Variants in GRID2 observed in about 807,000 individuals in gnomAD.
The protein encoded by GRID2 is glutamate receptor ionotropic, delta-2.
In GRID2, 33 loss-of-function variants were observed where a neutral mutation model predicts 114.8. That is an observed-to-expected ratio of 0.29 (90% CI 0.22 to 0.38). The LOEUF (loss-of-function observed/expected upper bound fraction) is 0.38. GRID2 is among the 10% of genes least tolerant of loss of function. The pLI, the probability that GRID2 is intolerant of heterozygous loss-of-function variation, is 1.00. For missense variants in GRID2, 1,184 were observed against 1,257.7 expected (o/e 0.94, Z 0.89); for synonymous variants, 505 against 449.9 (o/e 1.12, Z -1.55).
At chr4:93,782,560 A>C (rs1734501229) in intron 1 of GRID2, among the ~76,000 whole-genome samples, 1 of 152,054 alleles carries the variant, frequency 6.6e-6, no homozygotes, top group African/African-American at 2.4e-5. Context: ...CTGTGACACC[A>C]ATTCCACTAA....
intron 8 of GRID2, among the ~76,000 whole-genome samples, chr4:93,242,224 G>A (rs1747609106): frequency 6.6e-6 from 1 of 151,934 alleles, no homozygotes; most frequent in African/African-American, 2.4e-5. Flanking sequence ...TGGCAATAAT[G>A]AGACTGGAGG....
intron 2 of GRID2, among the ~76,000 whole-genome samples, chr4:93,046,214 C>T (rs564876730): frequency 6.6e-6 from 1 of 152,148 alleles, no homozygotes; most frequent in South Asian, 2.1e-4. Flanking sequence ...CTCACCTGCT[C>T]CTCTTTCCCT....
At chr4:92,400,281 C>T (rs1036942976) in intron 1 of GRID2, among the ~76,000 whole-genome samples, 1 of 152,108 alleles carries the variant, frequency 6.6e-6, no homozygotes, top group African/African-American at 2.4e-5. Context: ...CCTCCAGTTC[C>T]CAGAAACCAC....
At chr4:93,579,925 T>G (rs1184033226) in intron 13 of GRID2, among the ~76,000 whole-genome samples, 1 of 152,232 alleles carries the variant, frequency 6.6e-6, no homozygotes, top group Non-Finnish European at 1.5e-5. Context: ...AGAGAAGATG[T>G]GCATGCATCT....
At chr4:93,130,062 G>C (rs556435572) in intron 4 of GRID2, among the ~76,000 whole-genome samples, 3 of 152,280 alleles carry the variant, frequency 2.0e-5, no homozygotes, top group Admixed American at 2.0e-4. Flanking sequence ...GAAAACATGA[G>C]CATATGTATT....
At chr4:92,506,781 G>C (rs995686039) in intron 1 of GRID2, among the ~76,000 whole-genome samples, 1 of 151,866 alleles carries the variant, frequency 6.6e-6, no homozygotes, top group Admixed American at 6.6e-5. Context: ...CACCTCCTTT[G>C]AGACAATAGG....
At chr4:93,414,129 C>T (rs1580001960) in intron 9 of GRID2, among the ~76,000 whole-genome samples, 1 of 152,156 alleles carries the variant, frequency 6.6e-6, no homozygotes, top group Non-Finnish European at 1.5e-5. Context: ...AATATATCAA[C>T]AAATTTCATC....
At chr4:93,040,833 AT>A (rs1725443581) in intron 2 of GRID2, among the ~76,000 whole-genome samples, 1 of 151,758 alleles carries the variant, frequency 6.6e-6, no homozygotes, top group Admixed American at 6.6e-5. Flanking sequence ...ATTTTAAGAA[AT>A]TTTCGAGGTC....
intron 2 of GRID2, among the ~76,000 whole-genome samples, chr4:93,082,978 T>C (rs2149319620): frequency 1.3e-5 from 2 of 152,288 alleles, no homozygotes; most frequent in East Asian, 3.9e-4. Flanking sequence ...TCCTGTCATG[T>C]TACATGTGAC....
At chr4:92,787,857 C>T (rs575994181) in intron 2 of GRID2, among the ~76,000 whole-genome samples, 11 of 151,898 alleles carry the variant, frequency 7.2e-5, no homozygotes, top group African/African-American at 2.7e-4. Flanking sequence ...TGGATTCTGA[C>T]TATCTTTTGA....
intron 8 of GRID2, among the ~76,000 whole-genome samples, chr4:93,381,134 A>G (rs1763814915): frequency 6.6e-6 from 1 of 152,140 alleles, no homozygotes; most frequent in Admixed American, 6.6e-5. Flanking sequence ...TAATAAGTAC[A>G]TTTATATTCC....
chr4:92,529,783 G>T (rs1447732450), intron 1 of GRID2, among the ~76,000 whole-genome samples: 4 of 152,154 alleles, frequency 2.6e-5, no homozygotes, highest in Non-Finnish European at 5.9e-5. Context: ...TGTCAGGGAT[G>T]AATTGCAAGT....
chr4:92,342,023 T>G (rs975241672), intron 1 of GRID2, among the ~76,000 whole-genome samples: 1 of 152,158 alleles, frequency 6.6e-6, no homozygotes, highest in Non-Finnish European at 1.5e-5. Context: ...TATTTAACAT[T>G]TTATTCATTA....
chr4:92,545,161 G>T (rs1288855626), intron 1 of GRID2, among the ~76,000 whole-genome samples: 1 of 151,274 alleles, frequency 6.6e-6, no homozygotes, highest in Non-Finnish European at 1.5e-5. Flanking sequence ...CACTGAAAAA[G>T]AATGAAATGA....
chr4:92,923,039 C>T (rs1484140865), intron 2 of GRID2, among the ~76,000 whole-genome samples: 13 of 152,132 alleles, frequency 8.5e-5, no homozygotes, highest in African/African-American at 4.8e-5. Flanking sequence ...TTTGCATGTG[C>T]ATTATACCTC....
In GRID2 at chr4:93,579,274, G is replaced by C. The variant is rs573028873; in HGVS notation, c.2194-46995G>C. ...CTCCTCCACTACCCACACAGTTCCA[G>C]TGTCAAGCACCAGAGGACACGTTCA... is the stretch of plus-strand genomic sequence containing the variant. On this transcript the variant is annotated intron_variant, in intron 13 of 15. Coordinates refer to ENST00000282020, the MANE Select transcript of GRID2 (RefSeq NM_001510.4). Among the ~76,000 whole-genome samples the C allele has an allele frequency of 5.3e-5, 8 of 152,220 alleles. No homozygotes were observed. In the South Asian group the frequency reaches 1.2e-3, roughly 24 times the overall value.
At chr4:93,229,301 G>A (rs1745849423) in intron 7 of GRID2, among the ~76,000 whole-genome samples, 1 of 152,168 alleles carries the variant, frequency 6.6e-6, no homozygotes, top group South Asian at 2.1e-4. Flanking sequence ...GAGCAGAATG[G>A]CCCCAGACAG....
chr4:92,329,335 A>G (rs1726759229), intron 1 of GRID2, among the ~76,000 whole-genome samples: 1 of 152,018 alleles, frequency 6.6e-6, no homozygotes, highest in Non-Finnish European at 1.5e-5. Context: ...AGGAAAGAAA[A>G]CCAAAGATGA....
chr4:93,134,797 T>C (rs1364109401), intron 4 of GRID2, among the ~76,000 whole-genome samples: 2 of 152,130 alleles, frequency 1.3e-5, no homozygotes, highest in South Asian at 2.1e-4. Flanking sequence ...AGAGGTCCCT[T>C]CACCAATTCT....
Sources: allele counts gnomAD v4.1 joint callset (sites outside exome capture counted in the v4.1 genomes callset), GRCh38; gene constraint gnomAD v4.1.1; transcripts MANE v1.5; gene names NCBI Gene and HGNC (gene_info 2026-07-23, HGNC 2026-07-21).